CDH20: variants seen among roughly 807,000 people sequenced by gnomAD.
The protein encoded by CDH20 is cadherin-20.
In CDH20, 29 loss-of-function variants were observed where a neutral mutation model predicts 74.2. The observed-to-expected ratio is 0.39, with a 90% confidence interval of 0.29 to 0.53. The LOEUF (loss-of-function observed/expected upper bound fraction) is 0.53. Among genes scored for constraint, CDH20 ranks in the 20% least tolerant of loss-of-function variants. The pLI, the probability that CDH20 is intolerant of heterozygous loss-of-function variation, is 0.69. For synonymous variants in CDH20, 469 were observed against 405.4 expected (o/e 1.16, Z -1.88); for missense variants, 988 against 1,048.3 (o/e 0.94, Z 0.79).
At chr18:61,520,635 A>G (rs978699590) in intron 6 of CDH20, among the ~76,000 whole-genome samples, 1 of 151,054 alleles carries the variant, frequency 6.6e-6, no homozygotes, top group Non-Finnish European at 1.5e-5. Flanking sequence ...AACAGAATAT[A>G]CATTCTTCTC....
At chr18:61,436,850 TA>T (rs1324462256) in intron 1 of CDH20, among the ~76,000 whole-genome samples, 2 of 152,120 alleles carry the variant, frequency 1.3e-5, no homozygotes, top group African/African-American at 4.8e-5. Context: ...CTGGAGAGGC[TA>T]TATAATTAGT....
chr18:61,373,333 G>C (rs966723813), intron 1 of CDH20, among the ~76,000 whole-genome samples: 1 of 150,934 alleles, frequency 6.6e-6, no homozygotes, highest in African/African-American at 2.4e-5. Context: ...CTTTTATTGT[G>C]CATAAAACCC....
At chr18:61,384,351 A>C (rs1911529022) in intron 1 of CDH20, among the ~76,000 whole-genome samples, 1 of 152,194 alleles carries the variant, frequency 6.6e-6, no homozygotes, top group African/African-American at 2.4e-5. Context: ...TCTGACAATA[A>C]GTTAACACAG....
At chr18:61,378,982 C>T (rs760208621) in intron 1 of CDH20, among the ~76,000 whole-genome samples, 3 of 151,422 alleles carry the variant, frequency 2.0e-5, no homozygotes, top group Admixed American at 6.6e-5. Context: ...TCTCCCCTCT[C>T]GGTAGTTTTC....
Position 61,528,153 on chromosome 18 carries a change from G to C in CDH20, c.1204G>C (p.Val402Leu), listed in dbSNP as rs1394039534. Residue 402 changes from valine (V) to leucine (L), a missense_variant, in exon 7 of 12, where the codon GTG becomes CTG. Physicochemically the swap from Val to Leu is conservative, Grantham distance 32 (BLOSUM62 1). Coordinates refer to ENST00000262717, the MANE Select transcript of CDH20 (RefSeq NM_031891.4). ...TTACTTTGTGGAGGTGCCTGAGGAT[G>C]TGGCGATTGGAACAACCATACAGAT... ...GFYFVEVPED[V>L]AIGTTIQIIS... 25 of 1,614,094 alleles carry C rather than the reference G, an allele frequency of 1.5e-5. No individual in the cohort carries two copies. Among genetic ancestry groups the C allele is most frequent in the Non-Finnish European group, 2.1e-5 (25 of 1,179,982 alleles).
intron 9 of CDH20, among the ~76,000 whole-genome samples, chr18:61,542,873 C>T (rs1599159193): frequency 6.6e-6 from 1 of 152,128 alleles, no homozygotes; most frequent in East Asian, 1.9e-4. Context: ...TCAGCTATCA[C>T]AGGAACAAAG....
At chr18:61,443,682 A>G (rs537189425) in intron 1 of CDH20, among the ~76,000 whole-genome samples, 12 of 152,258 alleles carry the variant, frequency 7.9e-5, no homozygotes, top group South Asian at 2.1e-4. Context: ...ATTTTTTTCC[A>G]TAGCGAGATT....
intron 7 of CDH20, among the ~76,000 whole-genome samples, chr18:61,534,268 C>T (rs1251462162): frequency 6.6e-6 from 1 of 152,118 alleles, no homozygotes; most frequent in African/African-American, 2.4e-5. Context: ...AAAGGGAACC[C>T]TTGCACACCG....
At chr18:61,357,579 G>C (rs1255536000) in intron 1 of CDH20, among the ~76,000 whole-genome samples, 1 of 152,136 alleles carries the variant, frequency 6.6e-6, no homozygotes, top group Non-Finnish European at 1.5e-5. Flanking sequence ...CTATATTCCA[G>C]GCAGGAAGAG....
At chr18:61,500,273 C>A in intron 3 of CDH20, 110 bp from the exon 4 acceptor site, 2 of 1,130,454 alleles carry the variant, frequency 1.8e-6, no homozygotes, top group Non-Finnish European at 2.5e-6. Flanking sequence ...AAAGGGGACT[C>A]TCCCAATGAA....
Position 61,549,978 on chromosome 18 carries a change from A to G in CDH20, c.1649A>G (p.Asp550Gly), listed in dbSNP as rs1267594775. Residue 550 changes from aspartate (D) to glycine (G), a missense_variant and splice_region_variant, in exon 11 of 12, where the codon GAT (aspartate) becomes GGT (glycine). Asp to Gly is a moderately conservative substitution (Grantham distance 94). Transcript: ENST00000262717. ...NPNFTIRDNQ[D>G]NTARILTRRS... Reference sequence around the variant, plus strand: ...ATCCTGGAACCCCTCCTTCTTTCAGATAACACAGCACGGATTCTAACCAGG... The same window carrying G: ...ATCCTGGAACCCCTCCTTCTTTCAGGTAACACAGCACGGATTCTAACCAGG... The G allele has an allele frequency of 4.3e-6, 7 of 1,610,474 alleles. No individual in the cohort carries two copies. Among genetic ancestry groups the G allele is most frequent in the Admixed American group, 1.7e-5 (1 of 59,920 alleles).
chr18:61,485,092 T>C (rs547797130), intron 1 of CDH20, among the ~76,000 whole-genome samples: 5 of 152,274 alleles, frequency 3.3e-5, no homozygotes, highest in African/African-American at 1.2e-4. Context: ...CATAGAAAGA[T>C]AAATAATGAG....
chr18:61,539,676 C>G (rs925540937), intron 9 of CDH20, among the ~76,000 whole-genome samples: 1 of 152,136 alleles, frequency 6.6e-6, no homozygotes, highest in African/African-American at 2.4e-5. Flanking sequence ...GTACCAATTC[C>G]TCAAAATATC....
chr18:61,337,284 C>T (rs1285357387), intron 1 of CDH20, among the ~76,000 whole-genome samples: 3 of 152,006 alleles, frequency 2.0e-5, no homozygotes, highest in Admixed American at 1.3e-4. Context: ...CATTCTACTT[C>T]GGATATGGGG....
intron 6 of CDH20, among the ~76,000 whole-genome samples, chr18:61,525,328 G>GAAAAC (rs1912355666): frequency 6.6e-6 from 1 of 152,076 alleles, no homozygotes; most frequent in Non-Finnish European, 1.5e-5. Flanking sequence ...AAATTAAAGG[G>GAAAAC]AAAACAAGTT....
chr18:61,364,200 T>G (rs1325649679), intron 1 of CDH20, among the ~76,000 whole-genome samples: 1 of 152,176 alleles, frequency 6.6e-6, no homozygotes, highest in Non-Finnish European at 1.5e-5. Flanking sequence ...TTAAGTTTGG[T>G]TCTCAGCATT....
intron 1 of CDH20, among the ~76,000 whole-genome samples, chr18:61,401,281 G>A (rs1312742069): frequency 2.6e-5 from 4 of 152,172 alleles, no homozygotes; most frequent in Non-Finnish European, 5.9e-5. Context: ...AAAAAGTGAG[G>A]AGAGAAAGGA....
At chr18:61,399,946 C>T (rs1372173450) in intron 1 of CDH20, among the ~76,000 whole-genome samples, 1 of 152,232 alleles carries the variant, frequency 6.6e-6, no homozygotes, top group Non-Finnish European at 1.5e-5. Context: ...TTCCCCCTTT[C>T]AGTTCTTAAT....
chr18:61,454,891 TTGCATGG>T (rs1466994361), intron 1 of CDH20, among the ~76,000 whole-genome samples: 3 of 152,202 alleles, frequency 2.0e-5, no homozygotes, highest in Admixed American at 1.3e-4. Flanking sequence ...GATGCATTAT[TTGCATGG>T]TGCCTTGGAA....
Sources: gnomAD v4.1 joint callset for allele counts (sites outside exome capture counted in the v4.1 genomes callset) on GRCh38, gnomAD v4.1.1 for gene constraint, MANE v1.5 for transcripts, NCBI Gene and HGNC (gene_info 2026-07-23, HGNC 2026-07-21) for gene names.